The following KLK7 variants were observed in gnomAD, a reference collection of about 807,000 sequenced individuals.
The protein encoded by KLK7 is kallikrein-7.
KLK7 carries 17 observed loss-of-function variants against 21.0 expected under a neutral mutation model. That is an observed-to-expected ratio of 0.81 (90% CI 0.55 to 1.21). The LOEUF is 1.21. KLK7 is among the 50% of genes most tolerant of loss of function. The pLI is 0.00. For synonymous variants in KLK7, 151 were observed against 134.6 expected (o/e 1.12, Z -0.85); for missense variants, 330 against 322.8 (o/e 1.02, Z -0.17).
At position 50,982,441 on chromosome 19, in the gene KLK7, G is replaced by T; in HGVS notation, c.-42C>A. ...GCTCAGGGGCTGCCAGGCGAGGAAG[G>T]GCCTCTCCTGCTGGAGCTGAGAAGG... On this transcript the variant is annotated 5_prime_UTR_variant, in exon 2 of 6. Transcript: ENST00000595820. 1 of 1,576,352 alleles carries T rather than the reference G, an allele frequency of 6.3e-7. No individual in the cohort carries two copies. Among genetic ancestry groups the T allele is most frequent in the Non-Finnish European group, 8.6e-7 (1 of 1,161,362 alleles).
intron 3 of KLK7, 99 bp from the exon 4 acceptor site, chr19:50,980,586 G>A (rs543190871): frequency 4.2e-6 from 6 of 1,436,868 alleles, no homozygotes; most frequent in Admixed American, 3.6e-5. Flanking sequence ...CCAGAGAGAG[G>A]AGGGGGGACA....
At chr19:50,982,111 G>A (rs145618828) in intron 2 of KLK7, 197 bp from the exon 3 acceptor site, 30 of 814,676 alleles carry the variant, frequency 3.7e-5, no homozygotes, top group African/African-American at 3.6e-4. Context: ...CTCATCTGGG[G>A]AACCACAGAG....
chr19:50,978,118 G>T (rs1465465882), intron 5 of KLK7, among the ~76,000 whole-genome samples: 1 of 152,206 alleles, frequency 6.6e-6, no homozygotes, highest in East Asian at 1.9e-4. Context: ...AAACGAAAAT[G>T]CAGGGCCCTT....
At position 50,977,678 on chromosome 19, in the gene KLK7, C is replaced by T; in HGVS notation, c.620G>A (p.Gly207Glu). The change falls in exon 6 of 6, where the codon GGA (glycine) becomes GAA (glutamate). Residue 207 changes from glycine to glutamate, a missense_variant. Gly to Glu is a moderately conservative substitution (Grantham distance 98, BLOSUM62 -2). Transcript: ENST00000595820. ...KKNACNGDSGGPLVCRGTLQG... is the reference protein window; with the variant it reads ...KKNACNGDSGEPLVCRGTLQG... ...CAGGGTACCTCTGCACACCAACGGTCCCCCTGAGTCACCCTAGAGGGAATA... is the reference window on the plus strand; with the variant it reads ...CAGGGTACCTCTGCACACCAACGGTTCCCCTGAGTCACCCTAGAGGGAATA... The T allele has an allele frequency of 6.2e-7, 1 of 1,613,138 alleles. No homozygotes were observed. Among genetic ancestry groups the T allele is most frequent in the Non-Finnish European group, 8.5e-7 (1 of 1,179,900 alleles).
At chr19:50,983,948 C>G, upstream of KLK7, 2 of 1,283,218 alleles carry the variant, frequency 1.6e-6, no homozygotes, top group South Asian at 1.2e-5. Flanking sequence ...TCTTATATCA[C>G]CCCCCGCCCC....
intron 1 of KLK7, among the ~76,000 whole-genome samples, chr19:50,982,993 T>C (rs1600113382): frequency 2.6e-4 from 3 of 11,360 alleles, no homozygotes; most frequent in African/African-American, 6.0e-4. Context: ...GGAGTCCAGG[T>C]CCAAGTCCCT....
intron 5 of KLK7, among the ~76,000 whole-genome samples, chr19:50,978,506 A>T (rs2091052537): frequency 6.9e-6 from 1 of 145,902 alleles, no homozygotes; most frequent in Non-Finnish European, 1.5e-5. Context: ...GAAAAGAAGG[A>T]GGGAGAAGAG....
Position 50,977,229 on chromosome 19 carries a change from G to A in KLK7, c.*307C>T, listed in dbSNP as rs1197379152. On this transcript the variant is annotated 3_prime_UTR_variant, in exon 6 of 6. Transcript: ENST00000595820. ...CTAAGATTAGAGTTACTGGGTCAAA[G>A]GTGGTGAATAAGGGTCTCGGTGTAC... 1 of 266,862 alleles carries A rather than the reference G, an allele frequency of 3.7e-6. No homozygotes were observed. The highest frequency in any genetic ancestry group is 7.0e-6 in the Non-Finnish European group (1 of 142,304). The allele number at this position is 266,862 out of a possible 1,614,324, so 16.5% of individuals were successfully genotyped here.
At position 50,979,990 on chromosome 19, in the gene KLK7, G is replaced by A. The variant is rs2091064351; in HGVS notation, c.470-66C>T. On this transcript the variant is annotated intron_variant, in intron 4 of 5. Transcript: ENST00000595820. ...GGGGGCGAGGACCAGAAGGGCTGTT[G>A]TTCAGGCTCCTGGTTCCGAGGGAGG... 3.9e-6 allele frequency: 6 copies of A among 1,534,906 alleles called. No homozygotes were observed. The East Asian group carries it at 1.2e-4, about 31-fold the overall frequency.
At position 50,981,920 on chromosome 19, in the gene KLK7, T is replaced by G. The variant is rs776859636; in HGVS notation, c.74-6A>C. On this transcript the variant is annotated splice_region_variant and splice_polypyrimidine_tract_variant and intron_variant, in intron 2 of 5. Coordinates refer to ENST00000595820, the MANE Select transcript of KLK7 (RefSeq NM_005046.4). ...AATAATCTTGTCACCCTGGGCTGGA[T>G]GGAGACATGGAGGAGCACGTGGGTA... 1 of 1,612,318 alleles carries G rather than the reference T, an allele frequency of 6.2e-7. No homozygotes were observed. The highest frequency in any genetic ancestry group is 1.7e-5 in the Admixed American group (1 of 59,906).
In KLK7 at chr19:50,976,788, T is replaced by A. The variant is rs1283979757; in HGVS notation, c.*748A>T. The A allele has an allele frequency of 6.6e-6, 1 of 152,244 alleles. No homozygotes were observed. Among genetic ancestry groups the A allele is most frequent in the African/African-American group, 2.4e-5 (1 of 41,446 alleles). 9.4% of individuals were successfully genotyped at this position (152,244 alleles called of 1,614,324 possible). ...TGGCCGTGGTGGCTCATGCCTGTAATCCCAGCACTTTGGGAGGCCAAGGTG... is the reference window on the plus strand; with the variant it reads ...TGGCCGTGGTGGCTCATGCCTGTAAACCCAGCACTTTGGGAGGCCAAGGTG... On this transcript the variant is annotated 3_prime_UTR_variant, in exon 6 of 6. Transcript: ENST00000595820.
At position 50,976,726 on chromosome 19, in the gene KLK7, G is replaced by A. The variant is rs1027151495; in HGVS notation, c.*810C>T. 1 of 152,178 alleles carries A rather than the reference G, an allele frequency of 6.6e-6. No individual in the cohort carries two copies. The highest frequency in any genetic ancestry group is 1.5e-5 in the Non-Finnish European group (1 of 68,032). The allele number at this position is 152,178 out of a possible 1,614,324, so 9.4% of individuals were successfully genotyped here. ...GAATAATACTGACAATTCTGTCTAA[G>A]TATCATTTTTAATAGGTTTGTAATA... On this transcript the variant is annotated 3_prime_UTR_variant, in exon 6 of 6. Coordinates refer to ENST00000595820, the MANE Select transcript of KLK7 (RefSeq NM_005046.4).
chr19:50,979,882 A>T lies in KLK7; in HGVS notation c.512T>A (p.Ile171Asn). Reference sequence around the variant, plus strand: ...AACCTTCGTGCAGTCCTGGGGGGAGATGAGCTTGACATCCACGCACATGAG... The same window carrying T: ...AACCTTCGTGCAGTCCTGGGGGGAGTTGAGCTTGACATCCACGCACATGAG... ...SDLMCVDVKLISPQDCTKVYK... is the reference protein window; with the variant it reads ...SDLMCVDVKLNSPQDCTKVYK... Residue 171 changes from isoleucine (I) to asparagine (N), a missense_variant, in exon 5 of 6, where the codon ATC becomes AAC. Physicochemically the swap from Ile to Asn is moderately radical, Grantham distance 149. Transcript: ENST00000595820. The T allele has an allele frequency of 6.3e-7, 1 of 1,592,528 alleles. No homozygotes were observed. The highest frequency in any genetic ancestry group is 1.1e-5 in the South Asian group (1 of 87,262).
chr19:50,982,373 CAG>C lies in KLK7; in HGVS notation c.25_26del (p.Leu9AlafsTer19). The C allele has an allele frequency of 6.2e-7, 1 of 1,609,536 alleles. No homozygotes were observed. The highest frequency in any genetic ancestry group is 1.3e-5 in the African/African-American group (1 of 74,946). On this transcript the variant is annotated frameshift_variant, in exon 2 of 6. Coordinates refer to ENST00000595820, the MANE Select transcript of KLK7 (RefSeq NM_005046.4). LOFTEE classifies it high-confidence loss of function. ...AGGCTAAGGATAGCAGTAAGATCTG[CAG>C]GGGCAGGAGAAGGGATCTTGCCATG... is the stretch of plus-strand genomic sequence containing the variant. MARSLLLP[L>X]QILLLSLALE...
rs148515610 is a variant in KLK7, at chr19:50,977,675, G to T, written c.623C>A (p.Pro208Gln). The T allele has an allele frequency of 6.2e-7, 1 of 1,613,256 alleles. No homozygotes were observed. The highest frequency in any genetic ancestry group is 1.7e-5 in the Admixed American group (1 of 60,008). ...KNACNGDSGG[P>Q]LVCRGTLQGL... ...TTGCAGGGTACCTCTGCACACCAAC[G>T]GTCCCCCTGAGTCACCCTAGAGGGA... The change falls in exon 6 of 6, where the codon CCG becomes CAG. Residue 208 changes from proline to glutamine, a missense_variant. Coordinates refer to ENST00000595820, the MANE Select transcript of KLK7 (RefSeq NM_005046.4).
intron 5 of KLK7, among the ~76,000 whole-genome samples, chr19:50,978,472 G>C (rs970067012): frequency 7.0e-6 from 1 of 142,462 alleles, no homozygotes; most frequent in Non-Finnish European, 1.5e-5. Flanking sequence ...TATGGGGAGA[G>C]AGAGAGACAG....
At chr19:50,981,501 C>T (rs2091088052) in intron 3 of KLK7, among the ~76,000 whole-genome samples, 1 of 104,902 alleles carries the variant, frequency 9.5e-6, no homozygotes, top group Non-Finnish European at 1.9e-5. Flanking sequence ...GAACAGAGAC[C>T]TAGAGAGAAT....
At chr19:50,978,591 AGAGG>A (rs1289662312) in intron 5 of KLK7, among the ~76,000 whole-genome samples, 1 of 119,620 alleles carries the variant, frequency 8.4e-6, no homozygotes, top group Non-Finnish European at 1.7e-5. Context: ...TGGAGAAGAA[AGAGG>A]GAGAAGAGAG....
In KLK7 at chr19:50,977,556, T is replaced by C. The variant is rs774830711; in HGVS notation, c.742A>G (p.Thr248Ala). Residue 248 changes from threonine to alanine, a missense_variant, in exon 6 of 6, where the codon ACC becomes GCC. Transcript: ENST00000595820. ...VCKFTKWIND[T>A]MKKHR ...TGGCGTTAGCGATGCTTTTTCATGGTGTCATTTATCCACTTGGTGAACTTG... is the reference window on the plus strand; with the variant it reads ...TGGCGTTAGCGATGCTTTTTCATGGCGTCATTTATCCACTTGGTGAACTTG... 5 of 1,613,942 alleles carry C rather than the reference T, an allele frequency of 3.1e-6. No individual in the cohort carries two copies. The highest frequency in any genetic ancestry group is 3.4e-6 in the Non-Finnish European group (4 of 1,179,924).
Sources: gnomAD v4.1 joint callset for allele counts (sites outside exome capture counted in the v4.1 genomes callset) on GRCh38, gnomAD v4.1.1 for gene constraint, MANE v1.5 for transcripts, NCBI Gene and HGNC (gene_info 2026-07-23, HGNC 2026-07-21) for gene names.